The following PHC2 variants were observed in gnomAD, a reference collection of about 807,000 sequenced individuals.
PHC2 encodes polyhomeotic-like protein 2.
A neutral mutation model predicts 87.4 loss-of-function variants in PHC2; 29 were observed. The observed-to-expected ratio is 0.33, with a 90% CI of 0.25 to 0.45. The LOEUF is 0.45. Among genes scored for constraint, PHC2 ranks in the 20% least tolerant of loss-of-function variants. The probability of loss-of-function intolerance (pLI) is 1.00; values close to 1 mark genes in which losing one functional copy is unlikely to be tolerated. For missense variants in PHC2, 857 were observed against 1,136.7 expected (o/e 0.75, Z 3.54); for synonymous variants, 438 against 461.7 (o/e 0.95, Z 0.66).
rs764322750 is a variant in PHC2, at chr1:33,354,800, C to T, written c.1392+38G>A. 2.5e-5 allele frequency: 39 copies of T among 1,590,684 alleles called. 1 individual carries two copies. In the South Asian group the frequency reaches 4.2e-4, roughly 17 times the overall value. On this transcript the variant is annotated intron_variant, in intron 8 of 14. Coordinates refer to ENST00000683057, the MANE Select transcript of PHC2 (RefSeq NM_001385109.1). ...GTGGGGTCGTCCGAGCTGTGGCCAC[C>T]CCGTGTGCTCCCTGGACCTTGGGGC...
intron 1 of PHC2, among the ~76,000 whole-genome samples, 155 bp from the exon 2 acceptor site, chr1:33,375,748 G>A (rs568824696): frequency 1.3e-5 from 2 of 152,198 alleles, no homozygotes; most frequent in East Asian, 1.9e-4. Flanking sequence ...TACTGAACAC[G>A]TAAACTTTTT....
chr1:33,335,394 C>A lies in PHC2; in HGVS notation c.1559-1102G>T. On this transcript the variant is annotated intron_variant, in intron 9 of 14. Transcript: ENST00000683057. ...AAAAGAAAAAGCCATTTCTTTATTGCAACAAGTCCATTAATATAAAGCATA... is the reference window on the plus strand; with the variant it reads ...AAAAGAAAAAGCCATTTCTTTATTGAAACAAGTCCATTAATATAAAGCATA... The A allele has an allele frequency of 3.1e-6, 3 of 955,218 alleles. No homozygotes were observed. The African/African-American group carries it at 5.3e-5, about 17-fold the overall frequency. The allele number at this position is 955,218 out of a possible 1,614,324, so 59.2% of individuals were successfully genotyped here.
intron 13 of PHC2, 33 bp from the exon 14 acceptor site, chr1:33,329,179 A>G (rs773909728): frequency 1.2e-5 from 19 of 1,597,624 alleles, no homozygotes; most frequent in Non-Finnish European, 1.5e-5. Flanking sequence ...AGGATGGGGG[A>G]ACAAACCATC....
Position 33,355,045 on chromosome 1 carries a change from G to A in PHC2, c.1185C>T (p.Ala395=), listed in dbSNP as rs762089419. 5.6e-6 allele frequency: 9 copies of A among 1,613,598 alleles called. No homozygotes were observed. Among genetic ancestry groups the A allele is most frequent in the Admixed American group, 5.0e-5 (3 of 59,968 alleles). The change falls in exon 8 of 15, where the codon GCC becomes GCT. Residue 395 remains alanine (A), a synonymous_variant. Transcript: ENST00000683057. ...VALQPSSEAH[A]MPLGPVTPAL... ...CGGGTGTAACCGGGCCTAGTGGCAT[G>A]GCATGGGCCTCTGAGCTGGGCTGGA...
At chr1:33,383,644 GGGGACGGGATGGAT>G (rs1391272330) in intron 1 of PHC2, among the ~76,000 whole-genome samples, 1 of 152,216 alleles carries the variant, frequency 6.6e-6, no homozygotes, top group African/African-American at 2.4e-5. Flanking sequence ...CTGAATGCTT[GGGGACGGGATGGAT>G]GAGTTTGTCT....
chr1:33,428,864 G>A (rs1320802102), intron 1 of PHC2, among the ~76,000 whole-genome samples: 1 of 152,214 alleles, frequency 6.6e-6, no homozygotes, highest in East Asian at 1.9e-4. Flanking sequence ...ATCCACCGCT[G>A]TTCTGCACAG....
chr1:33,356,291 A>ATATATATT (rs1553185712), intron 7 of PHC2, among the ~76,000 whole-genome samples: 18 of 139,574 alleles, frequency 1.3e-4, no homozygotes, highest in African/African-American at 4.9e-4. Flanking sequence ...ATATATATAT[A>ATATATATT]TATTTATTTA....
chr1:33,409,384 G>A (rs561904902), intron 1 of PHC2, among the ~76,000 whole-genome samples: 3 of 152,218 alleles, frequency 2.0e-5, no homozygotes, highest in South Asian at 2.1e-4. Flanking sequence ...AAGAAAGAGT[G>A]TGTAACAAGA....
At chr1:33,426,413 C>T (rs1323364582) in intron 1 of PHC2, among the ~76,000 whole-genome samples, 1 of 152,128 alleles carries the variant, frequency 6.6e-6, no homozygotes. Context: ...ACCTGTTCCA[C>T]TCCAATTTCT....
intron 1 of PHC2, among the ~76,000 whole-genome samples, chr1:33,406,580 C>A (rs1023106386): frequency 1.3e-5 from 2 of 152,216 alleles, no homozygotes; most frequent in African/African-American, 4.8e-5. Flanking sequence ...CTTCTGTAAA[C>A]AGCAGAGAGT....
intron 9 of PHC2, chr1:33,336,732 C>T (rs1368398180): frequency 6.6e-6 from 1 of 152,250 alleles, no homozygotes; most frequent in East Asian, 1.9e-4. Flanking sequence ...TTTGACCCAG[C>T]TGCTGGTTCA....
At chr1:33,402,977 T>A (rs142049829) in intron 1 of PHC2, among the ~76,000 whole-genome samples, 1,858 of 151,984 alleles carry the variant, frequency 0.012, 40 homozygotes, top group African/African-American at 0.043. Context: ...CCCGACTTTT[T>A]AAATTTTTTT....
rs182922698 is a variant in PHC2, at chr1:33,336,278, C to G, written c.1559-1986G>C. Among the ~76,000 whole-genome samples the G allele has an allele frequency of 1.5e-4, 23 of 152,112 alleles. 1 individual carries two copies. In the East Asian group the frequency reaches 4.5e-3, roughly 30 times the overall value. ...TGCTGGGATTACAGGCATGAGCCAC[C>G]GCGCCCAGCCTCAAGCTCATGTTCT... On this transcript the variant is annotated intron_variant, in intron 9 of 14. Transcript: ENST00000683057.
chr1:33,374,101 T>G (rs1648022394), intron 2 of PHC2, among the ~76,000 whole-genome samples: 1 of 152,188 alleles, frequency 6.6e-6, no homozygotes, highest in Non-Finnish European at 1.5e-5. Flanking sequence ...CAGAATTATC[T>G]GTCTGTATTC....
At chr1:33,363,074 A>G (rs1647241732) in intron 7 of PHC2, 2 of 91,554 alleles carry the variant, frequency 2.2e-5, no homozygotes, top group African/African-American at 7.4e-5. Context: ...AGCCCACAGC[A>G]ACCAGGGAAA....
rs1415598261 is a variant in PHC2, at chr1:33,349,717, C to T, written c.1558+4684G>A. On this transcript the variant is annotated intron_variant, in intron 9 of 14. Coordinates refer to ENST00000683057, the MANE Select transcript of PHC2 (RefSeq NM_001385109.1). This position sits in a 1 kb window ranked among gnomAD's most constrained non-coding sequence, Gnocchi z 4.2. ...CTCCTCTCCGCCGGGAGCCTCCGAG[C>T]CGGGGCCCGGGGCTGCCGCGGCGCA... 1.0e-5 allele frequency: 10 copies of T among 993,580 alleles called. No homozygotes were observed. The highest frequency in any genetic ancestry group is 3.5e-5 in the African/African-American group (2 of 56,896). 61.5% of individuals were successfully genotyped at this position (993,580 alleles called of 1,614,324 possible).
At chr1:33,383,562 A>G (rs761450716) in intron 1 of PHC2, among the ~76,000 whole-genome samples, 5 of 152,364 alleles carry the variant, frequency 3.3e-5, no homozygotes, top group Non-Finnish European at 5.9e-5. Context: ...TGGTTGAAGA[A>G]TATGAGGAGG....
chr1:33,415,051 G>A (rs576661104), intron 1 of PHC2, among the ~76,000 whole-genome samples: 3 of 152,296 alleles, frequency 2.0e-5, no homozygotes, highest in South Asian at 2.1e-4. Flanking sequence ...TGAGCCCTAC[G>A]AGTGTACCAG....
intron 7 of PHC2, among the ~76,000 whole-genome samples, chr1:33,357,615 T>C (rs1647115746): frequency 6.6e-6 from 1 of 152,160 alleles, no homozygotes; most frequent in Admixed American, 6.5e-5. Context: ...GGCGGAACCT[T>C]TGTGGAAATG....
Sources: gnomAD v4.1 joint callset for allele counts (sites outside exome capture counted in the v4.1 genomes callset) on GRCh38, gnomAD v4.1.1 for gene constraint, Gnocchi (gnomAD v3.1) non-coding constraint, MANE v1.5 for transcripts, NCBI Gene and HGNC (gene_info 2026-07-23, HGNC 2026-07-21) for gene names.